Variants in RALYL observed in about 807,000 individuals in gnomAD.
RALYL encodes the protein RNA-binding Raly-like protein.
RALYL carries 29 observed loss-of-function variants against 35.1 expected under a neutral mutation model. That is an observed-to-expected ratio of 0.83 (90% CI 0.61 to 1.13). The LOEUF (loss-of-function observed/expected upper bound fraction) is 1.13, where lower values mean the gene tolerates loss of function less well. RALYL is among the 50% of genes most tolerant of loss of function. The pLI is 0.00. For synonymous variants in RALYL, 120 were observed against 127.6 expected, an observed-to-expected ratio of 0.94 and a Z score of 0.40; for missense variants, 359 against 360.4, an observed-to-expected ratio of 1.00 and a Z score of 0.03.
intron 1 of RALYL, among the ~76,000 whole-genome samples, chr8:84,386,175 C>T (rs986748169): frequency 5.9e-5 from 9 of 151,782 alleles, no homozygotes; most frequent in Admixed American, 4.6e-4. Flanking sequence ...AAGTCCAAAC[C>T]TGTAATTACT....
At position 84,385,741 on chromosome 8, in the gene RALYL, GGC is replaced by G. The variant is rs531663375; in HGVS notation, c.-23-143557_-23-143556del. 7.5e-3 allele frequency among the ~76,000 whole-genome samples: 1,144 copies of G among 151,824 alleles called. 5 individuals carry two copies. The highest frequency in any genetic ancestry group is 0.024 in the Middle Eastern group (7 of 294). On this transcript the variant is annotated intron_variant, in intron 1 of 8. Transcript: ENST00000521268. ...TGGCTTTCCTAGCTGCACCTGACAG[GGC>G]TAGCTAGCCTTTGATGTTATGCACA...
At chr8:84,506,111 A>G (rs1423923569) in intron 1 of RALYL, among the ~76,000 whole-genome samples, 1 of 152,068 alleles carries the variant, frequency 6.6e-6, no homozygotes. Context: ...AAGCATCATA[A>G]TTACTTTTCC....
At chr8:84,188,988 G>A (rs1196861874) in intron 1 of RALYL, among the ~76,000 whole-genome samples, 5 of 152,114 alleles carry the variant, frequency 3.3e-5, no homozygotes, top group Non-Finnish European at 5.9e-5. Context: ...AGAGGCATTG[G>A]TTTAATGTCT....
chr8:84,247,397 A>G (rs1491555), intron 1 of RALYL, among the ~76,000 whole-genome samples: 76,987 of 151,840 alleles, frequency 0.51, 19,680 homozygotes, highest in East Asian at 0.65. Flanking sequence ...ACTGGTAGGC[A>G]CACTGCCAAC....
chr8:84,538,149 A>G (rs1479975000), intron 2 of RALYL, among the ~76,000 whole-genome samples: 2 of 152,228 alleles, frequency 1.3e-5, no homozygotes, highest in East Asian at 1.9e-4. Flanking sequence ...AGGGAGATAC[A>G]TGGCCCCACA....
intron 1 of RALYL, among the ~76,000 whole-genome samples, chr8:84,513,304 AT>A (rs2057774762): frequency 6.6e-6 from 1 of 151,884 alleles, no homozygotes; most frequent in Non-Finnish European, 1.5e-5. Context: ...TCTTTGATTT[AT>A]TTTTTAGCTA....
chr8:84,430,502 A>G (rs952730148), intron 1 of RALYL, among the ~76,000 whole-genome samples: 3 of 152,160 alleles, frequency 2.0e-5, no homozygotes, highest in African/African-American at 7.2e-5. Context: ...AAGGACTACA[A>G]AAAACATCTA....
In RALYL at chr8:84,887,649, A is replaced by G. The variant is rs776618043; in HGVS notation, c.731A>G (p.Glu244Gly). The G allele has an allele frequency of 9.3e-6, 15 of 1,611,316 alleles. No individual in the cohort carries two copies. The highest frequency in any genetic ancestry group is 1.3e-5 in the Non-Finnish European group (15 of 1,178,446). ...GAAGAGAGTCTAGTGCTGATCCAAG[A>G]GGAATGTGTGTCAGAGATTGCAGAT... ...QLEESLVLIQ[E>G]ECVSEIADHS... is the part of the protein sequence containing the mutation. Residue 244 changes from glutamate to glycine, a missense_variant, in exon 8 of 9, where the codon GAG becomes GGG. Transcript: ENST00000521268.
In RALYL at chr8:84,457,290, C is replaced by G. The variant is rs116275978; in HGVS notation, c.-23-72009C>G. ...TTACAAGATATCATTTTCATAGACA[C>G]TCTTCTAAACCTAGCTCTGGATAAT... On this transcript the variant is annotated intron_variant, in intron 1 of 8. Transcript: ENST00000521268. 4.0e-3 allele frequency among the ~76,000 whole-genome samples: 602 copies of G among 152,102 alleles called. 6 individuals are homozygous for G. The highest frequency in any genetic ancestry group is 0.014 in the African/African-American group (576 of 41,538).
intron 1 of RALYL, among the ~76,000 whole-genome samples, chr8:84,303,020 A>T (rs1841109643): frequency 6.6e-6 from 1 of 152,190 alleles, no homozygotes; most frequent in African/African-American, 2.4e-5. Context: ...TGATGTTAAT[A>T]TACTTTAATT....
chr8:84,448,143 G>A (rs1240225040), intron 1 of RALYL, among the ~76,000 whole-genome samples: 6 of 151,976 alleles, frequency 3.9e-5, no homozygotes, highest in Admixed American at 3.3e-4. Flanking sequence ...GACTCCAAAA[G>A]GGAAGGAGTG....
At chr8:84,423,229 G>C (rs375095455) in intron 1 of RALYL, among the ~76,000 whole-genome samples, 25 of 151,578 alleles carry the variant, frequency 1.6e-4, no homozygotes, top group African/African-American at 5.6e-4. Context: ...GAATCTGGGT[G>C]CTCCTGCATT....
chr8:84,756,450 G>A (rs1425685696), intron 2 of RALYL, among the ~76,000 whole-genome samples: 2 of 152,090 alleles, frequency 1.3e-5, no homozygotes, highest in African/African-American at 2.4e-5. Flanking sequence ...GTCACAAGCT[G>A]CTCCTACAAT....
At chr8:84,479,085 C>CAAAAAAAAAAAAAAA (rs56799862) in intron 1 of RALYL, among the ~76,000 whole-genome samples, 5 of 21,828 alleles carry the variant, frequency 2.3e-4, no homozygotes, top group Non-Finnish European at 3.2e-4. Flanking sequence ...GACTCCGTCT[C>CAAAAAAAAAAAAAAA]AAAAAAAAAA....
chr8:84,233,616 T>G (rs1563578301), intron 1 of RALYL, among the ~76,000 whole-genome samples: 1 of 152,166 alleles, frequency 6.6e-6, no homozygotes, highest in Non-Finnish European at 1.5e-5. Context: ...CCGTTCAAAC[T>G]CAAAACCCTG....
At chr8:84,422,986 G>T (rs1284715709) in intron 1 of RALYL, among the ~76,000 whole-genome samples, 1 of 146,974 alleles carries the variant, frequency 6.8e-6, no homozygotes, top group African/African-American at 2.5e-5. Context: ...GTCAATTTTG[G>T]AATAGGTGTG....
chr8:84,882,712 C>T (rs957706089), intron 7 of RALYL, among the ~76,000 whole-genome samples: 2 of 151,746 alleles, frequency 1.3e-5, no homozygotes, highest in Non-Finnish European at 2.9e-5. Context: ...GCTTTAGCAG[C>T]AGAGAGAGAA....
At chr8:84,433,067 T>A (rs74305734) in intron 1 of RALYL, among the ~76,000 whole-genome samples, 1 of 152,306 alleles carries the variant, frequency 6.6e-6, no homozygotes, top group East Asian at 1.9e-4. Context: ...CGATTGTTCC[T>A]ATTTTATATA....
chr8:84,839,165 C>T (rs949747472), intron 4 of RALYL, among the ~76,000 whole-genome samples: 5 of 152,146 alleles, frequency 3.3e-5, no homozygotes, highest in African/African-American at 9.7e-5. Flanking sequence ...CAAAGCAGGG[C>T]GAGGCATCAC....
Sources: gnomAD v4.1 joint callset for allele counts (sites outside exome capture counted in the v4.1 genomes callset) on GRCh38, gnomAD v4.1.1 for gene constraint, MANE v1.5 for transcripts, NCBI Gene and HGNC (gene_info 2026-07-23, HGNC 2026-07-21) for gene names.